USH2A: variants seen among roughly 807,000 people sequenced by gnomAD.
USH2A encodes the protein Usher syndrome 2A (autosomal recessive, mild).
USH2A carries 443 observed loss-of-function variants against 538.9 expected under a neutral mutation model. The ratio of observed to expected loss-of-function variants is 0.82; its 90% CI spans 0.76 to 0.89. USH2A has a LOEUF of 0.89. Ranked by LOEUF, USH2A falls within the 40% of genes least tolerant of loss-of-function variation. USH2A has a pLI of 0.00. For synonymous variants in USH2A, 2,413 were observed against 2,273.5 expected (o/e 1.06, Z -1.75); for missense variants, 6,633 against 6,324.8 (o/e 1.05, Z -1.65).
chr1:215,678,313 C>A (rs1254969131), intron 62 of USH2A, among the ~76,000 whole-genome samples: 2 of 152,228 alleles, frequency 1.3e-5, no homozygotes, highest in Non-Finnish European at 1.5e-5. Context: ...AATGTTGGGA[C>A]AATCTGTCTC....
At chr1:215,988,677 T>C (rs1456496758) in intron 35 of USH2A, among the ~76,000 whole-genome samples, 11 of 152,230 alleles carry the variant, frequency 7.2e-5, no homozygotes, top group Non-Finnish European at 1.5e-5. Flanking sequence ...TGTTGTTTTC[T>C]GTTTTTTTCT....
chr1:216,299,707 TAC>T (rs2037177910), intron 9 of USH2A, among the ~76,000 whole-genome samples: 1 of 152,122 alleles, frequency 6.6e-6, no homozygotes, highest in Non-Finnish European at 1.5e-5. Flanking sequence ...AGTTTTAAAT[TAC>T]ACACAGATGA....
chr1:216,199,810 G>C lies in USH2A; in HGVS notation c.3628C>G (p.Leu1210Val), dbSNP rs771425007. 1 of 1,614,158 alleles carries C rather than the reference G, an allele frequency of 6.2e-7. No individual in the cohort carries two copies. Among genetic ancestry groups the C allele is most frequent in the Non-Finnish European group, 8.5e-7 (1 of 1,180,004 alleles). Residue 1210 changes from leucine (L) to valine (V), a missense_variant, in exon 17 of 72, where the codon CTG (leucine) becomes GTG (valine). Transcript: ENST00000307340. The stretch of plus-strand genomic sequence containing the variant: ...AAATCGTACTTGGCAAATGGAACCA[G>C]ATTCCAGATGGTAGCTGAGGTTTCA... ...GHETSATIWN[L>V]VPFAKYDFSV...
intron 40 of USH2A, among the ~76,000 whole-genome samples, chr1:215,894,136 C>T (rs1363502741): frequency 6.6e-6 from 1 of 152,026 alleles, no homozygotes; most frequent in African/African-American, 2.4e-5. Context: ...GTACTTAAGG[C>T]AACTGGAAAA....
chr1:215,672,139 T>A (rs187218237), intron 63 of USH2A, among the ~76,000 whole-genome samples: 1 of 152,348 alleles, frequency 6.6e-6, no homozygotes, highest in African/African-American at 2.4e-5. Context: ...AAAATGAGTT[T>A]TTGTGAGTAT....
At chr1:216,163,608 A>G (rs963432160) in intron 21 of USH2A, among the ~76,000 whole-genome samples, 1 of 150,110 alleles carries the variant, frequency 6.7e-6, no homozygotes, top group Admixed American at 6.7e-5. Context: ...CTTTCAGCAA[A>G]TATCTAAATA....
chr1:216,045,708 G>A (rs973647343), intron 32 of USH2A, among the ~76,000 whole-genome samples: 1 of 152,150 alleles, frequency 6.6e-6, no homozygotes, highest in African/African-American at 2.4e-5. Context: ...GTCATGTGCT[G>A]AGCTCTTTGT....
At chr1:215,947,136 C>T (rs115091643) in intron 37 of USH2A, among the ~76,000 whole-genome samples, 142 of 151,510 alleles carry the variant, frequency 9.4e-4, no homozygotes, top group African/African-American at 3.4e-3. Flanking sequence ...CCGCCTCTCA[C>T]GTTCAAGTGA....
chr1:216,215,462 G>A (rs2035325239), intron 15 of USH2A, among the ~76,000 whole-genome samples: 1 of 151,948 alleles, frequency 6.6e-6, no homozygotes, highest in African/African-American at 2.4e-5. Context: ...AATCAAGCTG[G>A]AACAGGAGAG....
At chr1:216,356,177 T>C (rs993641916) in intron 4 of USH2A, among the ~76,000 whole-genome samples, 2 of 152,140 alleles carry the variant, frequency 1.3e-5, no homozygotes, top group Non-Finnish European at 2.9e-5. Flanking sequence ...ATAATAATTG[T>C]ATGTACAATG....
At chr1:215,769,571 C>T (rs1291022534) in intron 55 of USH2A, among the ~76,000 whole-genome samples, 1 of 152,086 alleles carries the variant, frequency 6.6e-6, no homozygotes, top group East Asian at 1.9e-4. Context: ...CATCCAGCAC[C>T]TTAAGGATTT....
At position 216,202,147 on chromosome 1, in the gene USH2A, AG is replaced by A. The variant is rs556705782; in HGVS notation, c.3317-2027del. ...AGCATGCCAAAAGCCAAAACCTAAAAGAAAAAAATAAATTTCAGTGCTGAAT... is the reference window on the plus strand; with the variant it reads ...AGCATGCCAAAAGCCAAAACCTAAAAAAAAAAATAAATTTCAGTGCTGAAT... On this transcript the variant is annotated intron_variant, in intron 16 of 71. Coordinates refer to ENST00000307340, the MANE Select transcript of USH2A (RefSeq NM_206933.4). Among the ~76,000 whole-genome samples the A allele has an allele frequency of 1.5e-3, 233 of 152,366 alleles. 1 individual carries two copies. Among genetic ancestry groups the A allele is most frequent in the African/African-American group, 5.4e-3 (224 of 41,584 alleles).
chr1:216,300,507 T>C (rs1450081674), intron 9 of USH2A, among the ~76,000 whole-genome samples: 5 of 152,182 alleles, frequency 3.3e-5, no homozygotes, highest in African/African-American at 1.2e-4. Context: ...CCAAATACTT[T>C]GACATGTTCA....
chr1:215,970,844 A>G (rs140961955), intron 35 of USH2A, 68 bp from the exon 36 acceptor site: 2 of 1,476,672 alleles, frequency 1.4e-6, no homozygotes, highest in African/African-American at 1.4e-5. Flanking sequence ...TAAGAAAGCA[A>G]GCACTCTTGA....
intron 30 of USH2A, among the ~76,000 whole-genome samples, chr1:216,068,847 C>A (rs1039794755): frequency 6.6e-6 from 1 of 152,068 alleles, no homozygotes; most frequent in Non-Finnish European, 1.5e-5. Flanking sequence ...AATAACAACT[C>A]CATCAGGCAG....
intron 20 of USH2A, among the ~76,000 whole-genome samples, chr1:216,188,181 A>G (rs1205563948): frequency 6.6e-6 from 1 of 151,132 alleles, no homozygotes; most frequent in Non-Finnish European, 1.5e-5. Flanking sequence ...CAGGTACATC[A>G]TCTTTTACGC....
Position 215,670,971 on chromosome 1 carries a change from C to A in USH2A, c.14133+1G>T. ...AATTGTTTATAATACACATTTCTTA[C>A]CTGATACTCATACTCTGTGAAAGGC... is the stretch of plus-strand genomic sequence containing the variant. On this transcript the variant is annotated splice_donor_variant, in intron 64 of 71. Coordinates refer to ENST00000307340, the MANE Select transcript of USH2A (RefSeq NM_206933.4). LOFTEE classifies it high-confidence loss of function. 6.2e-7 allele frequency: 1 copy of A among 1,613,904 alleles called. No individual in the cohort carries two copies. The highest frequency in any genetic ancestry group is 8.5e-7 in the Non-Finnish European group (1 of 1,179,852).
At chr1:216,394,168 T>A (rs2039161584) in intron 3 of USH2A, among the ~76,000 whole-genome samples, 1 of 149,912 alleles carries the variant, frequency 6.7e-6, no homozygotes, top group Non-Finnish European at 1.5e-5. Flanking sequence ...ATAAATGAAG[T>A]GGCCATACCA....
intron 24 of USH2A, among the ~76,000 whole-genome samples, chr1:216,086,518 C>T (rs1489547907): frequency 1.3e-5 from 2 of 151,540 alleles, no homozygotes; most frequent in Non-Finnish European, 2.9e-5. Context: ...TATCAAGAAC[C>T]GAGTACTAAC....
Sources: gnomAD v4.1 joint callset for allele counts (sites outside exome capture counted in the v4.1 genomes callset) on GRCh38, gnomAD v4.1.1 for gene constraint, MANE v1.5 for transcripts, NCBI Gene and HGNC (gene_info 2026-07-23, HGNC 2026-07-21) for gene names.